The following FN1 variants were observed in gnomAD, a reference collection of about 807,000 sequenced individuals.
FN1 encodes fibronectin.
Under a neutral mutation model 297.3 loss-of-function variants are expected in FN1, and 106 were observed. The observed-to-expected ratio is 0.36, with a 90% CI of 0.30 to 0.42. FN1 has a LOEUF of 0.42. FN1 is among the 10% of genes least tolerant of loss of function. The pLI, the probability that FN1 is intolerant of heterozygous loss-of-function variation, is 1.00. For synonymous variants in FN1, 1,149 were observed against 1,152.6 expected (o/e 1.00, Z 0.06); for missense variants, 2,690 against 3,124.9 (o/e 0.86, Z 3.32).
chr2:215,411,841 G>A (rs971081473), intron 13 of FN1, among the ~76,000 whole-genome samples: 1 of 151,812 alleles, frequency 6.6e-6, no homozygotes, highest in Admixed American at 6.6e-5. Context: ...TAATTTTTTT[G>A]TATTTTTAAT....
At chr2:215,420,055 C>CAA (rs200364735) in intron 11 of FN1, among the ~76,000 whole-genome samples, 1 of 150,654 alleles carries the variant, frequency 6.6e-6, no homozygotes, top group African/African-American at 2.4e-5. Flanking sequence ...GAAGGGCGGC[C>CAA]AAAAAAAAAC....
chr2:215,364,717 G>T, intron 44 of FN1, 162 bp downstream of exon 44: 1 of 665,262 alleles, frequency 1.5e-6, no homozygotes. Context: ...TAGACATAGA[G>T]CTGCTCTAGA....
chr2:215,378,818 G>A (rs966872388), intron 34 of FN1, among the ~76,000 whole-genome samples: 6 of 152,152 alleles, frequency 3.9e-5, no homozygotes, highest in Non-Finnish European at 8.8e-5. Flanking sequence ...CTCAGAAAAT[G>A]CATAACTAAG....
At chr2:215,424,976 A>G in intron 7 of FN1, 118 bp downstream of exon 7, 1 of 894,808 alleles carries the variant, frequency 1.1e-6, no homozygotes. Context: ...TTGTTATCAC[A>G]GGGTGGTAAG....
chr2:215,435,983 C>A lies in FN1; in HGVS notation c.-181G>T, dbSNP rs1317106900. On this transcript the variant is annotated 5_prime_UTR_variant, in exon 1 of 46. Coordinates refer to ENST00000354785, the MANE Select transcript of FN1 (RefSeq NM_212482.4). ...GAGGGACAGAAGGGATGCAGAGGACCAGAGAAGTTGTGGCTGCAGGTCCCC... is the reference window on the plus strand; with the variant it reads ...GAGGGACAGAAGGGATGCAGAGGACAAGAGAAGTTGTGGCTGCAGGTCCCC... The A allele has an allele frequency of 3.7e-6, 5 of 1,351,884 alleles. No homozygotes were observed. The highest frequency in any genetic ancestry group is 3.9e-6 in the Non-Finnish European group (4 of 1,025,898). The allele number at this position is 1,351,884 out of a possible 1,614,324, so 83.7% of individuals were successfully genotyped here.
At chr2:215,428,036 A>G in intron 6 of FN1, 144 bp downstream of exon 6, 1 of 1,016,114 alleles carries the variant, frequency 9.8e-7, no homozygotes. Context: ...AGTTTTAACA[A>G]CCAATAATGT....
In FN1 at chr2:215,373,933, C is replaced by T. The variant is rs562678596; in HGVS notation, c.6158-522G>A. On this transcript the variant is annotated intron_variant, in intron 38 of 45. Coordinates refer to ENST00000354785, the MANE Select transcript of FN1 (RefSeq NM_212482.4). Reference sequence around the variant, plus strand: ...TCCTGACCTTGTGATCTGCCTGCCTCGGCCTCCCAAAGTGCTGGGATTACA... The same window carrying T: ...TCCTGACCTTGTGATCTGCCTGCCTTGGCCTCCCAAAGTGCTGGGATTACA... Among the ~76,000 whole-genome samples, 4 of 152,216 alleles carry T rather than the reference C, an allele frequency of 2.6e-5. No individual in the cohort carries two copies. In the East Asian group the frequency reaches 7.7e-4, roughly 29 times the overall value.
intron 4 of FN1, among the ~76,000 whole-genome samples, chr2:215,431,502 T>C (rs532065935): frequency 0.047 from 7,173 of 152,120 alleles, 577 homozygotes; most frequent in African/African-American, 0.16. Context: ...AAAGTGTCAT[T>C]TTTTTTTCTT....
chr2:215,378,317 GA>G, intron 34 of FN1, 55 bp from the exon 35 acceptor site: 7 of 910,440 alleles, frequency 7.7e-6, no homozygotes, highest in Non-Finnish European at 1.3e-5. Flanking sequence ...GAAACCCAAG[GA>G]GTTTCACTAC....
intron 20 of FN1, among the ~76,000 whole-genome samples, chr2:215,401,233 A>G (rs1435291090): frequency 5.5e-5 from 3 of 54,412 alleles, no homozygotes; most frequent in Non-Finnish European, 1.3e-4. Context: ...AAAGAAAGAA[A>G]GAAAGAAAGA....
intron 20 of FN1, 108 bp downstream of exon 20, chr2:215,404,281 A>G (rs1224173526): frequency 1.7e-6 from 2 of 1,174,910 alleles, no homozygotes; most frequent in Non-Finnish European, 2.5e-6. Context: ...GATTTAAATT[A>G]TGTACTAATT....
Position 215,365,012 on chromosome 2 carries a change from C to T in FN1, c.7145-27G>A, listed in dbSNP as rs748069072. 14 of 1,403,366 alleles carry T rather than the reference C, an allele frequency of 1.0e-5. No homozygotes were observed. In the African/African-American group the frequency reaches 1.1e-4, roughly 11 times the overall value. 86.9% of individuals were successfully genotyped at this position (1,403,366 alleles called of 1,614,324 possible). On this transcript the variant is annotated intron_variant, in intron 43 of 45. Transcript: ENST00000354785. ...TGCATATAGACACAAGACAGATGCACGCATAAGCTGAGAACAATACTGCAG... is the reference window on the plus strand; with the variant it reads ...TGCATATAGACACAAGACAGATGCATGCATAAGCTGAGAACAATACTGCAG...
chr2:215,433,357 C>T lies in FN1; in HGVS notation c.382G>A (p.Ala128Thr), dbSNP rs144931123. 2.5e-6 allele frequency: 4 copies of T among 1,614,144 alleles called. No individual in the cohort carries two copies. The East Asian group carries it at 6.7e-5, about 27-fold the overall frequency. ...SMIWDCTCIG[A>T]GRGRISCTIA... ...GTACAGCTTATTCTCCCTCGCCCAG[C>T]CCCGATGCAGGTACAGTCCCAGATC... The change falls in exon 3 of 46, where the codon GCT becomes ACT. Residue 128 changes from alanine (A) to threonine (T), a missense_variant. Coordinates refer to ENST00000354785, the MANE Select transcript of FN1 (RefSeq NM_212482.4).
chr2:215,412,518 C>A (rs924895437), intron 13 of FN1, among the ~76,000 whole-genome samples: 4 of 152,072 alleles, frequency 2.6e-5, no homozygotes, highest in Admixed American at 2.6e-4. Context: ...CTCACTGCAA[C>A]TTCCGCCTCT....
chr2:215,409,748 T>C lies in FN1; in HGVS notation c.2123-9A>G. The C allele has an allele frequency of 6.2e-7, 1 of 1,613,438 alleles. No individual in the cohort carries two copies. Among genetic ancestry groups the C allele is most frequent in the Non-Finnish European group, 8.5e-7 (1 of 1,179,760 alleles). On this transcript the variant is annotated splice_polypyrimidine_tract_variant and intron_variant, in intron 14 of 45. Coordinates refer to ENST00000354785, the MANE Select transcript of FN1 (RefSeq NM_212482.4). ...TCCTGTCACGGTGTTGCCTAGAGAG[T>C]CACAGAAAGGGGAAAGTCAGCCTTC...
intron 3 of FN1, 97 bp downstream of exon 3, chr2:215,433,227 G>C: frequency 6.7e-7 from 1 of 1,500,350 alleles, no homozygotes. Flanking sequence ...CTCAAAGTTC[G>C]GAATATCCAG....
intron 6 of FN1, 86 bp from the exon 7 acceptor site, chr2:215,425,371 C>G: frequency 6.1e-6 from 8 of 1,308,060 alleles, no homozygotes; most frequent in Non-Finnish European, 8.9e-6. Flanking sequence ...CAGGATCTCA[C>G]AGAGATCACT....
At position 215,383,376 on chromosome 2, in the gene FN1, T is replaced by C; in HGVS notation, c.5002A>G (p.Thr1668Ala). The C allele has an allele frequency of 6.2e-7, 1 of 1,613,978 alleles. No homozygotes were observed. Among genetic ancestry groups the C allele is most frequent in the Non-Finnish European group, 8.5e-7 (1 of 1,179,980 alleles). ...SPVTGYRVTT[T>A]PKNGPGPTKT... Reference sequence around the variant, plus strand: ...GTTGGTCCTGGTCCATTTTTGGGAGTGGTGGTTACTCTGTAACCAGTAACA... The same window carrying C: ...GTTGGTCCTGGTCCATTTTTGGGAGCGGTGGTTACTCTGTAACCAGTAACA... The change falls in exon 31 of 46, where the codon ACT becomes GCT. Residue 1668 changes from threonine (T) to alanine (A), a missense_variant. Physicochemically the swap from Thr to Ala is moderately conservative, Grantham distance 58. Coordinates refer to ENST00000354785, the MANE Select transcript of FN1 (RefSeq NM_212482.4).
At chr2:215,363,020 TACAG>T (rs2053811782) in intron 44 of FN1, 1 of 152,224 alleles carries the variant, frequency 6.6e-6, no homozygotes, top group South Asian at 2.1e-4. Context: ...CCCTAAATAA[TACAG>T]TCACTTTCTT....
Sources: gnomAD v4.1 joint callset for allele counts (sites outside exome capture counted in the v4.1 genomes callset) on GRCh38, gnomAD v4.1.1 for gene constraint, MANE v1.5 for transcripts, NCBI Gene and HGNC (gene_info 2026-07-23, HGNC 2026-07-21) for gene names.